TMEM117: variants seen among roughly 807,000 people sequenced by gnomAD.
TMEM117 encodes the protein transmembrane protein 117.
A neutral mutation model predicts 52.4 loss-of-function variants in TMEM117; 27 were observed. The ratio of observed to expected loss-of-function variants is 0.51; its 90% CI spans 0.38 to 0.71. The LOEUF (loss-of-function observed/expected upper bound fraction) is 0.71. TMEM117 is among the 30% of genes least tolerant of loss of function. TMEM117 has a pLI of 0.00. For missense variants in TMEM117, 556 were observed against 630.5 expected (o/e 0.88, Z 1.26); for synonymous variants, 215 against 206.3 (o/e 1.04, Z -0.36).
intron 4 of TMEM117, among the ~76,000 whole-genome samples, chr12:44,175,663 C>A (rs1949107610): frequency 6.6e-6 from 1 of 152,042 alleles, no homozygotes; most frequent in Non-Finnish European, 1.5e-5. Context: ...CAATGAATAC[C>A]ACCATTTAGT....
At chr12:43,860,817 A>T (rs1288826377) in intron 2 of TMEM117, among the ~76,000 whole-genome samples, 1 of 152,218 alleles carries the variant, frequency 6.6e-6, no homozygotes, top group Non-Finnish European at 1.5e-5. Context: ...TAAACATATA[A>T]ATCCGTATAG....
intron 2 of TMEM117, among the ~76,000 whole-genome samples, chr12:43,920,307 C>T (rs746176465): frequency 2.0e-5 from 3 of 152,064 alleles, no homozygotes; most frequent in Non-Finnish European, 2.9e-5. Flanking sequence ...GGGCGGATCA[C>T]GAGGTCAGAA....
chr12:44,045,645 C>A (rs1161463128), intron 3 of TMEM117, among the ~76,000 whole-genome samples: 1 of 152,076 alleles, frequency 6.6e-6, no homozygotes, highest in Non-Finnish European at 1.5e-5. Context: ...GAGTTCAAGA[C>A]CAGCCTGGCC....
In TMEM117 at chr12:44,299,665, T is replaced by C. The variant is rs780638145; in HGVS notation, c.694T>C (p.Leu232=). The change falls in exon 6 of 8, where the codon TTG becomes CTG. Residue 232 remains leucine (L), a synonymous_variant. Transcript: ENST00000266534. ...CTGGGACAAGCTGAATCGGGGATTT[T>C]TGCCCAGTGATGAAGTTTCCAGAGC... ...ISWDKLNRGF[L]PSDEVSRAFL... The C allele has an allele frequency of 1.2e-6, 2 of 1,614,232 alleles. No individual in the cohort carries two copies. Among genetic ancestry groups the C allele is most frequent in the Non-Finnish European group, 1.7e-6 (2 of 1,180,032 alleles).
intron 5 of TMEM117, among the ~76,000 whole-genome samples, chr12:44,216,010 T>TC (rs1478332407): frequency 1.4e-5 from 2 of 144,370 alleles, no homozygotes; most frequent in African/African-American, 2.6e-5. Flanking sequence ...TCTTTCTTTT[T>TC]TTTTTTTTTT....
chr12:44,215,102 G>GA (rs928104102), intron 5 of TMEM117, among the ~76,000 whole-genome samples: 42 of 152,004 alleles, frequency 2.8e-4, no homozygotes, highest in African/African-American at 8.0e-4. Context: ...CGATTAGTGT[G>GA]AAAAAAAATG....
intron 2 of TMEM117, among the ~76,000 whole-genome samples, chr12:43,873,711 T>C (rs1943744678): frequency 6.6e-6 from 1 of 152,050 alleles, no homozygotes; most frequent in Admixed American, 6.5e-5. Flanking sequence ...TTTTAATTTT[T>C]TCGTTTTATT....
At chr12:43,918,249 C>T (rs1281275196) in intron 2 of TMEM117, among the ~76,000 whole-genome samples, 1 of 152,148 alleles carries the variant, frequency 6.6e-6, no homozygotes, top group Non-Finnish European at 1.5e-5. Context: ...ACTGACAGTA[C>T]ACTTTTTGTA....
At chr12:43,806,103 G>A in the TMEM117 span, 14 of 1,522,236 alleles carry the variant, frequency 9.2e-6, no homozygotes, top group Non-Finnish European at 1.1e-5. Context: ...GGCTCGCCCC[G>A]CGAGACCGAC....
At chr12:44,217,986 G>A (rs529827312) in intron 5 of TMEM117, among the ~76,000 whole-genome samples, 4 of 152,276 alleles carry the variant, frequency 2.6e-5, no homozygotes, top group African/African-American at 7.2e-5. Flanking sequence ...CACTTTGGGA[G>A]GACGAGGTGG....
chr12:44,376,988 A>C (rs567184058), intron 7 of TMEM117, among the ~76,000 whole-genome samples: 127 of 152,260 alleles, frequency 8.3e-4, no homozygotes, highest in South Asian at 3.3e-3. Context: ...AGTGATTAAG[A>C]AGGCTTGTCT....
intron 4 of TMEM117, among the ~76,000 whole-genome samples, chr12:44,167,879 G>T (rs1948990638): frequency 6.6e-6 from 1 of 152,120 alleles, no homozygotes; most frequent in Non-Finnish European, 1.5e-5. Flanking sequence ...AGAACTACAA[G>T]AAGTTATTTA....
intron 4 of TMEM117, among the ~76,000 whole-genome samples, chr12:44,149,754 A>G (rs1349090812): frequency 1.3e-5 from 2 of 152,230 alleles, no homozygotes; most frequent in South Asian, 2.1e-4. Flanking sequence ...TTGACAATGC[A>G]TATTATAATC....
At chr12:44,326,219 A>T (rs1458372421) in intron 6 of TMEM117, among the ~76,000 whole-genome samples, 1 of 152,208 alleles carries the variant, frequency 6.6e-6, no homozygotes, top group Non-Finnish European at 1.5e-5. Context: ...TTTAAAAAAA[A>T]GAACCCTGGC....
At chr12:43,824,410 G>A in the TMEM117 span, among the ~76,000 whole-genome samples, 1 of 152,240 alleles carries the variant, frequency 6.6e-6, no homozygotes, top group African/African-American at 2.4e-5. Flanking sequence ...GGCCTGAGGT[G>A]AGTGCCGCTT....
chr12:44,141,208 G>A (rs2138194828), intron 3 of TMEM117, among the ~76,000 whole-genome samples: 1 of 152,198 alleles, frequency 6.6e-6, no homozygotes, highest in African/African-American at 2.4e-5. Flanking sequence ...TAACCTCCAT[G>A]ATACCAAATT....
chr12:44,152,528 A>G (rs1490715953), intron 4 of TMEM117, among the ~76,000 whole-genome samples: 17 of 119,506 alleles, frequency 1.4e-4, no homozygotes, highest in Non-Finnish European at 1.4e-4. Flanking sequence ...TTATATATAT[A>G]TTTATATCAT....
intron 2 of TMEM117, among the ~76,000 whole-genome samples, chr12:43,878,460 CA>C (rs923742547): frequency 6.6e-6 from 1 of 152,006 alleles, no homozygotes; most frequent in South Asian, 2.1e-4. Context: ...GATGAAATAG[CA>C]AAAATGTTTC....
intron 2 of TMEM117, among the ~76,000 whole-genome samples, chr12:43,865,048 A>G (rs921449821): frequency 3.6e-4 from 55 of 152,178 alleles, no homozygotes; most frequent in African/African-American, 1.1e-3. Context: ...CTACGAACCC[A>G]CCAGAAGGAA....
Sources: allele counts gnomAD v4.1 joint callset (sites outside exome capture counted in the v4.1 genomes callset), GRCh38; gene constraint gnomAD v4.1.1; transcripts MANE v1.5; gene names NCBI Gene and HGNC (gene_info 2026-07-23, HGNC 2026-07-21).